LRRC37A2: variants seen among roughly 807,000 people sequenced by gnomAD.
LRRC37A2 encodes the protein leucine-rich repeat-containing protein 37A2.
LRRC37A2 carries 9 observed loss-of-function variants against 68.8 expected under a neutral mutation model. That is an observed-to-expected ratio of 0.13 (90% CI 0.08 to 0.23). The LOEUF (loss-of-function observed/expected upper bound fraction) is 0.23. LRRC37A2 is among the 10% of genes least tolerant of loss of function. The pLI, the probability that LRRC37A2 is intolerant of heterozygous loss-of-function variation, is 1.00. For synonymous variants in LRRC37A2, 63 were observed against 367.6 expected (o/e 0.17, Z 9.48); for missense variants, 168 against 950.4 (o/e 0.18, Z 10.82).
chr17:46,848,020 A>AG, the LRRC37A2 span, among the ~76,000 whole-genome samples: 1 of 148,984 alleles, frequency 6.7e-6, no homozygotes, highest in Non-Finnish European at 1.5e-5. Context: ...GCACAAGAGG[A>AG]GGAGAGGGCT....
At chr17:46,708,822 A>T in the LRRC37A2 span, among the ~76,000 whole-genome samples, 493 of 108,850 alleles carry the variant, frequency 4.5e-3, 11 homozygotes, top group African/African-American at 0.014. Context: ...ATATATATAT[A>T]TTTTTTTTTT....
At chr17:46,886,439 G>A in the LRRC37A2 span, 5 of 152,300 alleles carry the variant, frequency 3.3e-5, no homozygotes, top group East Asian at 9.6e-4. Flanking sequence ...AACAAATATG[G>A]AGTCACTCAT....
chr17:46,754,941 T>C, the LRRC37A2 span, among the ~76,000 whole-genome samples: 704 of 152,380 alleles, frequency 4.6e-3, 3 homozygotes, highest in South Asian at 8.7e-3. Context: ...GCTGTGACTT[T>C]AGTAGCCTTT....
At chr17:46,746,520 C>T in the LRRC37A2 span, among the ~76,000 whole-genome samples, 1 of 152,180 alleles carries the variant, frequency 6.6e-6, no homozygotes. Flanking sequence ...TTTTAATGTT[C>T]TGAATTTCCA....
At chr17:46,691,449 G>T in the LRRC37A2 span, among the ~76,000 whole-genome samples, 1 of 116,578 alleles carries the variant, frequency 8.6e-6, no homozygotes, top group African/African-American at 3.5e-5. Flanking sequence ...ACAAAAATTA[G>T]CCAGGAGTGG....
At chr17:46,928,189 G>A in the LRRC37A2 span, among the ~76,000 whole-genome samples, 1 of 152,138 alleles carries the variant, frequency 6.6e-6, no homozygotes, top group Non-Finnish European at 1.5e-5. Flanking sequence ...GTCTTGCCTA[G>A]GAGCACCCTG....
At chr17:47,000,064 TA>T in the LRRC37A2 span, among the ~76,000 whole-genome samples, 73 of 7,214 alleles carry the variant, frequency 0.01, 10 homozygotes, top group African/African-American at 0.011. Context: ...AAAATAAAAT[TA>T]AAATAAAATA....
the LRRC37A2 span, among the ~76,000 whole-genome samples, chr17:46,790,259 C>T: frequency 1.3e-5 from 2 of 152,130 alleles, no homozygotes; most frequent in African/African-American, 2.4e-5. Flanking sequence ...TGTTAGGAGC[C>T]GAATCTGGGT....
chr17:46,725,034 G>T, the LRRC37A2 span, among the ~76,000 whole-genome samples: 1 of 152,050 alleles, frequency 6.6e-6, no homozygotes, highest in Non-Finnish European at 1.5e-5. Context: ...TATATTAAAT[G>T]ATATGAGGAT....
chr17:46,985,573 T>C, the LRRC37A2 span, among the ~76,000 whole-genome samples: 2 of 151,592 alleles, frequency 1.3e-5, no homozygotes, highest in Non-Finnish European at 1.5e-5. Flanking sequence ...TGGGTGTCTA[T>C]GCAGTAGCAG....
At chr17:46,595,410 T>G in the LRRC37A2 span, among the ~76,000 whole-genome samples, 4 of 76,194 alleles carry the variant, frequency 5.2e-5, no homozygotes, top group Non-Finnish European at 8.0e-5. Flanking sequence ...AGTGATCAAG[T>G]CAGGGTACAT....
the LRRC37A2 span, chr17:47,019,944 C>T: frequency 1.5e-6 from 1 of 686,822 alleles, no homozygotes; most frequent in African/African-American, 1.9e-5. Flanking sequence ...TCAACTCTCC[C>T]TTCTCCTCAT....
the LRRC37A2 span, chr17:46,851,564 C>T: frequency 2.4e-6 from 2 of 850,298 alleles, no homozygotes; most frequent in Non-Finnish European, 1.6e-6. This position sits in a 1 kb window ranked among gnomAD's most constrained non-coding sequence, Gnocchi z 4.3. Flanking sequence ...TTTAAAGTCC[C>T]GCGGGCGGGT....
chr17:46,833,339 C>T, the LRRC37A2 span: 5 of 517,560 alleles, frequency 9.7e-6, no homozygotes, highest in Admixed American at 5.8e-5. Flanking sequence ...CTTCTTGTAT[C>T]AATTGCATGA....
the LRRC37A2 span, among the ~76,000 whole-genome samples, chr17:46,454,161 C>T: frequency 8.7e-5 from 9 of 103,776 alleles, no homozygotes; most frequent in South Asian, 4.4e-4. Flanking sequence ...TTGTTAAATT[C>T]GGAAAGTCTC....
the LRRC37A2 span, among the ~76,000 whole-genome samples, chr17:46,717,013 A>G: frequency 6.6e-6 from 1 of 152,182 alleles, no homozygotes; most frequent in Non-Finnish European, 1.5e-5. Flanking sequence ...ACAATTATAA[A>G]TAATATATAT....
the LRRC37A2 span, among the ~76,000 whole-genome samples, chr17:46,907,693 A>C: frequency 1.7e-3 from 237 of 135,548 alleles, 8 homozygotes; most frequent in South Asian, 3.9e-3. Flanking sequence ...AAAAAACAAA[A>C]AACCCAAAAT....
At chr17:46,825,439 A>G in the LRRC37A2 span, among the ~76,000 whole-genome samples, 3 of 152,188 alleles carry the variant, frequency 2.0e-5, no homozygotes, top group East Asian at 5.8e-4. Flanking sequence ...CATCGCACAC[A>G]TTGACTGCAT....
the LRRC37A2 span, among the ~76,000 whole-genome samples, chr17:46,809,159 G>A: frequency 6.6e-6 from 1 of 152,318 alleles, no homozygotes; most frequent in South Asian, 2.1e-4. Flanking sequence ...CAGGTGGACA[G>A]AAGTGAAATC....
Sources: gnomAD v4.1 joint callset for allele counts (sites outside exome capture counted in the v4.1 genomes callset) on GRCh38, gnomAD v4.1.1 for gene constraint, Gnocchi (gnomAD v3.1) non-coding constraint, MANE v1.5 for transcripts, NCBI Gene and HGNC (gene_info 2026-07-23, HGNC 2026-07-21) for gene names.